Variants in INTS6 observed in about 807,000 individuals in gnomAD.
INTS6 encodes the protein DEAD box protein.
Under a neutral mutation model 104.9 loss-of-function variants are expected in INTS6, and 16 were observed. The observed-to-expected ratio is 0.15, with a 90% CI of 0.10 to 0.23. The LOEUF (loss-of-function observed/expected upper bound fraction) is 0.23. Among genes scored for constraint, INTS6 ranks in the 10% least tolerant of loss-of-function variants. INTS6 has a pLI of 1.00. For synonymous variants in INTS6, 324 were observed against 358.7 expected, an observed-to-expected ratio of 0.90 and a Z score of 1.09; for missense variants, 584 against 1,062.8, an observed-to-expected ratio of 0.55 and a Z score of 6.26.
chr13:51,387,543 A>T lies in INTS6; in HGVS notation c.740-3T>A, dbSNP rs138030207. 1 of 1,602,222 alleles carries T rather than the reference A, an allele frequency of 6.2e-7. No individual in the cohort carries two copies. The highest frequency in any genetic ancestry group is 1.3e-5 in the African/African-American group (1 of 74,444). On this transcript the variant is annotated splice_polypyrimidine_tract_variant and splice_region_variant and intron_variant, in intron 6 of 17. Coordinates refer to ENST00000311234, the MANE Select transcript of INTS6 (RefSeq NM_012141.3). ...CCTTGATATATCTGGCTGCCCATCTATAGCAAAGAAATTAAGACAAAGAAA... is the reference window on the plus strand; with the variant it reads ...CCTTGATATATCTGGCTGCCCATCTTTAGCAAAGAAATTAAGACAAAGAAA...
At chr13:51,430,228 A>G (rs768143037) in intron 4 of INTS6, 66 bp downstream of exon 4, 18 of 1,345,182 alleles carry the variant, frequency 1.3e-5, no homozygotes, top group East Asian at 2.3e-5. Flanking sequence ...GGTGTTCAGT[A>G]TCCTACAAAA....
At chr13:51,349,645 C>A (rs1448207016), downstream of INTS6, among the ~76,000 whole-genome samples, 1 of 152,148 alleles carries the variant, frequency 6.6e-6, no homozygotes, top group Admixed American at 6.5e-5. Context: ...CTGGAAGAGA[C>A]CCCGGGGAAA....
intron 5 of INTS6, among the ~76,000 whole-genome samples, chr13:51,390,088 C>G (rs766037876): frequency 2.0e-5 from 3 of 151,920 alleles, no homozygotes; most frequent in Non-Finnish European, 4.4e-5. Flanking sequence ...ACTTTTGGTT[C>G]AGAAGCATTA....
intron 4 of INTS6, among the ~76,000 whole-genome samples, chr13:51,422,748 C>T (rs1398507025): frequency 6.6e-6 from 1 of 152,152 alleles, no homozygotes; most frequent in Non-Finnish European, 1.5e-5. Context: ...GAATGAAGTC[C>T]TGTCTCCTTA....
Position 51,366,020 on chromosome 13 carries a change from C to T in INTS6, c.2571-175G>A, listed in dbSNP as rs79299110. 2.1e-4 allele frequency among the ~76,000 whole-genome samples: 32 copies of T among 151,768 alleles called. No homozygotes were observed. The East Asian group carries it at 6.0e-3, about 28-fold the overall frequency. On this transcript the variant is annotated intron_variant, in intron 17 of 17. Coordinates refer to ENST00000311234, the MANE Select transcript of INTS6 (RefSeq NM_012141.3). ...TGTTGAAAGATTAGCAAATTATTAT[C>T]CTAGTACAGTATTATAGTTTGTCCC... is the stretch of plus-strand genomic sequence containing the variant.
intron 4 of INTS6, among the ~76,000 whole-genome samples, chr13:51,429,099 A>T (rs1157501711): frequency 6.6e-6 from 1 of 152,210 alleles, no homozygotes. Context: ...AAGTCAGGTC[A>T]CTGGTACAAA....
chr13:51,438,744 T>C (rs985760457), intron 3 of INTS6: 1 of 152,236 alleles, frequency 6.6e-6, no homozygotes, highest in Non-Finnish European at 1.5e-5. Context: ...TTTACATTCA[T>C]TATTTCATTA....
intron 3 of INTS6, among the ~76,000 whole-genome samples, chr13:51,432,302 A>T (rs1338729306): frequency 6.6e-6 from 1 of 152,162 alleles, no homozygotes; most frequent in Non-Finnish European, 1.5e-5. Flanking sequence ...CTTCCCTACA[A>T]CATCTATCCT....
chr13:51,348,150 C>G, the INTS6 span: 1 of 1,305,276 alleles, frequency 7.7e-7, no homozygotes, highest in Non-Finnish European at 1.1e-6. Context: ...TCTCAGGGTC[C>G]GACACTGGTT....
intron 5 of INTS6, among the ~76,000 whole-genome samples, chr13:51,391,712 C>G (rs1185977572): frequency 6.6e-6 from 1 of 152,046 alleles, no homozygotes; most frequent in African/African-American, 2.4e-5. Context: ...TATAGTGAGT[C>G]TAAAGGCAGT....
the INTS6 span, among the ~76,000 whole-genome samples, chr13:51,345,249 T>C: frequency 1.3e-5 from 2 of 152,260 alleles, no homozygotes; most frequent in East Asian, 3.9e-4. Flanking sequence ...GCCAGGATTC[T>C]AACCCAGGTG....
At chr13:51,414,833 T>C (rs957071548) in intron 4 of INTS6, among the ~76,000 whole-genome samples, 27 of 143,046 alleles carry the variant, frequency 1.9e-4, no homozygotes, top group East Asian at 1.9e-3. Context: ...AGTTCTTCTA[T>C]ACACACACAC....
Position 51,361,796 on chromosome 13 carries a change from T to C in INTS6, c.*3956A>G, listed in dbSNP as rs1955582183. On this transcript the variant is annotated 3_prime_UTR_variant, in exon 18 of 18. Transcript: ENST00000311234. Reference sequence around the variant, plus strand: ...CACAGAAAATGCAATGGAATTTTTCTTTCTTTCCTGCAGCTCTGTTGTTAT... The same window carrying C: ...CACAGAAAATGCAATGGAATTTTTCCTTCTTTCCTGCAGCTCTGTTGTTAT... The C allele has an allele frequency of 6.4e-7, 1 of 1,572,964 alleles. No individual in the cohort carries two copies. Among genetic ancestry groups the C allele is most frequent in the Admixed American group, 2.1e-5 (1 of 48,014 alleles).
In INTS6 at chr13:51,452,408, T is replaced by G; in HGVS notation, c.111+7A>C. ...GGGGTCGCCGCCCGGGCTCGGTCAG[T>G]CGGTACCTTCATGAAGGTCTCTACC... On this transcript the variant is annotated splice_region_variant and intron_variant, in intron 1 of 17. Transcript: ENST00000311234. The surrounding 1 kb of genome is among the most constrained non-coding windows in gnomAD (Gnocchi z 4.2). The G allele has an allele frequency of 6.3e-7, 1 of 1,591,762 alleles. No homozygotes were observed. The highest frequency in any genetic ancestry group is 8.6e-7 in the Non-Finnish European group (1 of 1,168,778).
chr13:51,431,836 G>C (rs908381124), intron 3 of INTS6, among the ~76,000 whole-genome samples: 3 of 152,050 alleles, frequency 2.0e-5, no homozygotes, highest in Non-Finnish European at 2.9e-5. Flanking sequence ...AAATGTCACA[G>C]GAGTCTTGCA....
the INTS6 span, among the ~76,000 whole-genome samples, chr13:51,343,155 A>C: frequency 6.6e-6 from 1 of 152,206 alleles, no homozygotes; most frequent in Non-Finnish European, 1.5e-5. Flanking sequence ...GACAGACCCC[A>C]AGTGAGTGAG....
chr13:51,347,032 C>T, the INTS6 span: 1 of 1,578,236 alleles, frequency 6.3e-7, no homozygotes, highest in Non-Finnish European at 8.6e-7. Flanking sequence ...CAGGTGGGGG[C>T]CCCAGTGAGG....
At chr13:51,420,451 A>G (rs1326142149) in intron 4 of INTS6, among the ~76,000 whole-genome samples, 1 of 152,110 alleles carries the variant, frequency 6.6e-6, no homozygotes, top group Non-Finnish European at 1.5e-5. Context: ...TTCAAATCAC[A>G]GAGAAAGAGG....
At chr13:51,395,640 C>G (rs950462124) in intron 4 of INTS6, among the ~76,000 whole-genome samples, 157 bp from the exon 5 acceptor site, 1 of 152,114 alleles carries the variant, frequency 6.6e-6, no homozygotes, top group Non-Finnish European at 1.5e-5. Context: ...ATAGCTAAAA[C>G]AGCACATGAT....
Sources: gnomAD v4.1 joint callset for allele counts (sites outside exome capture counted in the v4.1 genomes callset) on GRCh38, gnomAD v4.1.1 for gene constraint, Gnocchi (gnomAD v3.1) non-coding constraint, MANE v1.5 for transcripts, NCBI Gene and HGNC (gene_info 2026-07-23, HGNC 2026-07-21) for gene names.